Variants in PCF11 observed in about 807,000 individuals in gnomAD.
PCF11 encodes the protein PCF11 cleavage and polyadenylation factor subunit.
In PCF11, 19 loss-of-function variants were observed where a neutral mutation model predicts 166.1. The observed-to-expected ratio is 0.11, with a 90% CI of 0.08 to 0.17. PCF11 has a LOEUF of 0.17. Among genes scored for constraint, PCF11 ranks in the 10% least tolerant of loss-of-function variants. The pLI, the probability that PCF11 is intolerant of heterozygous loss-of-function variation, is 1.00. For synonymous variants in PCF11, 663 were observed against 644.1 expected, an observed-to-expected ratio of 1.03 and a Z score of -0.44; for missense variants, 1,565 against 1,855.5, an observed-to-expected ratio of 0.84 and a Z score of 2.88.
intron 2 of PCF11, among the ~76,000 whole-genome samples, chr11:83,163,416 C>G (rs1860332733): frequency 6.6e-6 from 1 of 151,618 alleles, no homozygotes; most frequent in Non-Finnish European, 1.5e-5. Context: ...GAATATTATA[C>G]TAAGCTCTAA....
Position 83,166,531 on chromosome 11 carries a change from A to G in PCF11, c.1634A>G (p.Lys545Arg), listed in dbSNP as rs923587646. 4 of 1,613,862 alleles carry G rather than the reference A, an allele frequency of 2.5e-6. No individual in the cohort carries two copies. Among genetic ancestry groups the G allele is most frequent in the Admixed American group, 3.3e-5 (2 of 59,996 alleles). The change falls in exon 5 of 16, where the codon AAG (lysine) becomes AGG (arginine). Residue 545 changes from lysine to arginine, a missense_variant. By Grantham distance (26) the Lys-to-Arg change is conservative. Around this residue, in one of 12 missense-constraint regions of PCF11, gnomAD observed 468 missense variants for 483.4 expected, o/e 0.97. Coordinates refer to ENST00000298281, the Ensembl canonical transcript of PCF11. Reference sequence around the variant, plus strand: ...CCTTCTAGGGAAGACAGAAATGCTAAGAGAAGTACTAAACAGGATATTCGG... The same window carrying G: ...CCTTCTAGGGAAGACAGAAATGCTAGGAGAAGTACTAAACAGGATATTCGG...
intron 13 of PCF11, 104 bp downstream of exon 13, chr11:83,182,113 A>C: frequency 2.1e-6 from 2 of 953,170 alleles, no homozygotes; most frequent in South Asian, 4.4e-5. Flanking sequence ...TGTTTTAATG[A>C]TTTTAAGACT....
intron 15 of PCF11, 172 bp from the exon 16 acceptor site, chr11:83,184,507 T>C: frequency 1.7e-6 from 1 of 598,066 alleles, no homozygotes; most frequent in South Asian, 2.0e-5. Context: ...GTGCAATATA[T>C]ATTTTATTTC....
intron 8 of PCF11, chr11:83,171,309 T>G (rs1326866407): frequency 4.4e-6 from 2 of 455,464 alleles, no homozygotes; most frequent in African/African-American, 2.0e-5. Context: ...TAATTCAGAA[T>G]GCTAATTAGA....
chr11:83,163,030 C>G (rs544646904), intron 2 of PCF11, among the ~76,000 whole-genome samples: 5 of 152,342 alleles, frequency 3.3e-5, no homozygotes, highest in African/African-American at 1.2e-4. Context: ...CTCGGCCTCT[C>G]AAAGTGTTGG....
exon 16 of PCF11, chr11:83,185,447 G>GAT (rs34956679): frequency 0.17 from 24,685 of 149,168 alleles, 3,190 homozygotes; most frequent in African/African-American, 0.37. Flanking sequence ...ATATTTTGCA[G>GAT]ATATATATAT....
chr11:83,169,730 C>T (rs1257040660), exon 8 of PCF11: 3 of 1,613,790 alleles, frequency 1.9e-6, no homozygotes, highest in Non-Finnish European at 2.5e-6. Flanking sequence ...TTCAATCAGA[C>T]TGGTCCATAT....
chr11:83,183,577 A>T (rs1448916046), intron 15 of PCF11, among the ~76,000 whole-genome samples: 5 of 151,668 alleles, frequency 3.3e-5, no homozygotes, highest in African/African-American at 4.9e-5. Flanking sequence ...TGCAACCTCC[A>T]CCTCCTGGGT....
chr11:83,172,533 C>T (rs1389311770), intron 9 of PCF11, among the ~76,000 whole-genome samples: 2 of 152,134 alleles, frequency 1.3e-5, no homozygotes, highest in East Asian at 3.8e-4. Context: ...AGCGATTCTC[C>T]TGTCTCAGCC....
chr11:83,159,368 A>AT (rs1483305548), intron 1 of PCF11, among the ~76,000 whole-genome samples: 16 of 152,186 alleles, frequency 1.1e-4, no homozygotes, highest in African/African-American at 3.9e-4. Context: ...AAAAACATTG[A>AT]TTTTTAAAAT....
At chr11:83,177,872 G>A in intron 11 of PCF11, 53 bp downstream of exon 11, 1 of 718,152 alleles carries the variant, frequency 1.4e-6, no homozygotes, top group Non-Finnish European at 2.3e-6. Flanking sequence ...TAATAACACT[G>A]TTATAGTGGA....
chr11:83,163,374 A>T (rs1374011123), intron 2 of PCF11, among the ~76,000 whole-genome samples: 1 of 150,880 alleles, frequency 6.6e-6, no homozygotes, highest in Non-Finnish European at 1.5e-5. Flanking sequence ...GTTGTCTTAC[A>T]TTTTTTTTTC....
At chr11:83,164,095 T>C in intron 3 of PCF11, 112 bp from the exon 4 acceptor site, 1 of 708,934 alleles carries the variant, frequency 1.4e-6, no homozygotes, top group Non-Finnish European at 2.3e-6. Context: ...TCTGATAAGT[T>C]TTCTGTGTGA....
intron 9 of PCF11, among the ~76,000 whole-genome samples, chr11:83,172,899 C>T (rs1486654459): frequency 3.3e-5 from 5 of 152,112 alleles, no homozygotes; most frequent in African/African-American, 9.7e-5. Flanking sequence ...AAATCCTAGC[C>T]AAGCTCTTTT....
intron 11 of PCF11, among the ~76,000 whole-genome samples, chr11:83,178,879 A>G (rs191120783): frequency 3.9e-5 from 6 of 152,296 alleles, no homozygotes; most frequent in East Asian, 1.9e-4. Context: ...AGAACATACT[A>G]TAAATAAAAT....
chr11:83,174,753 G>C (rs1860816489), intron 9 of PCF11, among the ~76,000 whole-genome samples: 1 of 152,130 alleles, frequency 6.6e-6, no homozygotes. Flanking sequence ...AAAATCCCTG[G>C]AGTCTGGTTC....
At chr11:83,163,168 A>C (rs1301136919) in intron 2 of PCF11, among the ~76,000 whole-genome samples, 1 of 152,214 alleles carries the variant, frequency 6.6e-6, no homozygotes, top group Non-Finnish European at 1.5e-5. Flanking sequence ...TGTGAATTTC[A>C]GTTGTTAAAG....
At chr11:83,172,757 T>C (rs1860731827) in intron 9 of PCF11, among the ~76,000 whole-genome samples, 1 of 152,192 alleles carries the variant, frequency 6.6e-6, no homozygotes, top group Non-Finnish European at 1.5e-5. Context: ...GGGAAGTACA[T>C]ACATTAGTGA....
At chr11:83,171,412 A>T in intron 8 of PCF11, 1 of 365,556 alleles carries the variant, frequency 2.7e-6, no homozygotes, top group South Asian at 2.1e-5. Flanking sequence ...TGTATAGATC[A>T]TATTGCATTA....
Sources: allele counts gnomAD v4.1 joint callset (sites outside exome capture counted in the v4.1 genomes callset), GRCh38; gene constraint gnomAD v4.1.1; regional missense constraint gnomAD v4.1.1; transcripts MANE v1.5; gene names NCBI Gene and HGNC (gene_info 2026-07-23, HGNC 2026-07-21).